The following BLK variants were observed in gnomAD, a reference collection of about 807,000 sequenced individuals.
BLK encodes the protein BLK proto-oncogene, Src family tyrosine kinase, also known as tyrosine-protein kinase Blk.
Under a neutral mutation model 61.8 loss-of-function variants are expected in BLK, and 64 were observed. The observed-to-expected ratio is 1.03, with a 90% CI of 0.85 to 1.27. BLK has a LOEUF of 1.27. Ranked by LOEUF, BLK falls within the 50% of genes most tolerant of loss-of-function variation. The pLI, the probability that BLK is intolerant of heterozygous loss-of-function variation, is 0.00. For synonymous variants in BLK, 351 were observed against 272.0 expected (o/e 1.29, Z -2.86); for missense variants, 853 against 660.5 (o/e 1.29, Z -3.19).
chr8:11,535,304 GAAAGAA>G (rs1186379231), intron 1 of BLK, among the ~76,000 whole-genome samples: 2 of 144,208 alleles, frequency 1.4e-5, no homozygotes, highest in Non-Finnish European at 3.1e-5. Flanking sequence ...AAGAAAGAAA[GAAAGAA>G]AGAAAGAAAG....
intron 7 of BLK, 114 bp from the exon 8 acceptor site, chr8:11,555,218 T>G: frequency 1.4e-6 from 2 of 1,385,272 alleles, no homozygotes; most frequent in Non-Finnish European, 2.0e-6. Flanking sequence ...CACACACCCA[T>G]GCAGGGGGTG....
chr8:11,549,745 C>G (rs1800816324), intron 5 of BLK, among the ~76,000 whole-genome samples: 1 of 152,160 alleles, frequency 6.6e-6, no homozygotes, highest in African/African-American at 2.4e-5. Context: ...CAGAACAACC[C>G]CATACCGAAG....
chr8:11,546,824 C>T (rs1468963166), intron 3 of BLK, among the ~76,000 whole-genome samples: 1 of 152,234 alleles, frequency 6.6e-6, no homozygotes, highest in Non-Finnish European at 1.5e-5. Flanking sequence ...GATCTGCCCG[C>T]CTCAGCCTCT....
intron 12 of BLK, 73 bp from the exon 13 acceptor site, chr8:11,563,830 C>T: frequency 7.0e-7 from 1 of 1,434,980 alleles, no homozygotes; most frequent in East Asian, 2.5e-5. Flanking sequence ...CTGTGCCCCG[C>T]GGGACGCTCA....
intron 11 of BLK, among the ~76,000 whole-genome samples, chr8:11,561,701 C>A (rs890119382): frequency 6.6e-6 from 1 of 152,334 alleles, no homozygotes; most frequent in Admixed American, 6.5e-5. Flanking sequence ...GTCCACCCTA[C>A]TCCCTGTCTT....
chr8:11,545,300 G>C (rs991501941), intron 2 of BLK, among the ~76,000 whole-genome samples: 9 of 152,212 alleles, frequency 5.9e-5, no homozygotes, highest in African/African-American at 2.2e-4. Flanking sequence ...TGTAATCCCA[G>C]CACTTTGGGA....
At chr8:11,512,174 C>T (rs926374641) in intron 1 of BLK, among the ~76,000 whole-genome samples, 8 of 152,120 alleles carry the variant, frequency 5.3e-5, no homozygotes, top group Admixed American at 1.3e-4. Flanking sequence ...CTGTAAGAAG[C>T]GCTGTGGGAT....
chr8:11,535,310 A>AAGAAAGAAAGAAAG (rs746343867), intron 1 of BLK, among the ~76,000 whole-genome samples: 3 of 145,002 alleles, frequency 2.1e-5, no homozygotes, highest in Non-Finnish European at 3.1e-5. Context: ...GAAAGAAAGA[A>AAGAAAGAAAGAAAG]AGAAAGAAAG....
At chr8:11,561,258 T>G in intron 10 of BLK, 44 bp from the exon 11 acceptor site, 1 of 1,598,532 alleles carries the variant, frequency 6.3e-7, no homozygotes, top group Non-Finnish European at 8.5e-7. Flanking sequence ...GGTCTTGGCG[T>G]GGAGGCCCCC....
intron 1 of BLK, among the ~76,000 whole-genome samples, chr8:11,499,335 C>G (rs921805710): frequency 6.6e-6 from 1 of 152,160 alleles, no homozygotes. Context: ...CGCAGAACAA[C>G]AAAATCACCT....
chr8:11,494,445 C>G lies in BLK; in HGVS notation c.-148C>G, dbSNP rs1345712441. The stretch of plus-strand genomic sequence containing the variant: ...GGCAGAAAGCCACAAGCCATGAAAA[C>G]TGATTGAGATGAGAAGAATTCATCT... On this transcript the variant is annotated 5_prime_UTR_variant, in exon 1 of 13. Transcript: ENST00000259089. 1 of 152,260 alleles carries G rather than the reference C, an allele frequency of 6.6e-6. No individual in the cohort carries two copies. The highest frequency in any genetic ancestry group is 1.5e-5 in the Non-Finnish European group (1 of 68,092). 9.4% of individuals were successfully genotyped at this position (152,260 alleles called of 1,614,324 possible). A position where few individuals can be genotyped will look rare whatever the true frequency, so the allele number is the denominator to read the frequency against.
chr8:11,521,728 C>T (rs756589221), intron 1 of BLK, among the ~76,000 whole-genome samples: 7 of 152,208 alleles, frequency 4.6e-5, no homozygotes, highest in Non-Finnish European at 1.0e-4. Flanking sequence ...CGCACAGTGC[C>T]TCCCCGGCAT....
intron 1 of BLK, among the ~76,000 whole-genome samples, chr8:11,496,493 T>A (rs1232185710): frequency 6.6e-6 from 1 of 152,254 alleles, no homozygotes; most frequent in Non-Finnish European, 1.5e-5. Flanking sequence ...TCCTCCCACT[T>A]TGGCCTCCCA....
intron 2 of BLK, 57 bp from the exon 3 acceptor site, chr8:11,545,995 A>T: frequency 1.3e-6 from 2 of 1,584,796 alleles, no homozygotes; most frequent in Non-Finnish European, 1.7e-6. Flanking sequence ...CTCAACCCCC[A>T]GGCCCCACCC....
intron 1 of BLK, among the ~76,000 whole-genome samples, chr8:11,542,019 C>G (rs1214432350): frequency 1.3e-5 from 2 of 152,176 alleles, no homozygotes; most frequent in Admixed American, 6.5e-5. Flanking sequence ...TTTTTCGCTT[C>G]TGTGGCTTGC....
At chr8:11,521,796 C>T (rs957610040) in intron 1 of BLK, among the ~76,000 whole-genome samples, 5 of 152,246 alleles carry the variant, frequency 3.3e-5, no homozygotes, top group African/African-American at 1.2e-4. Flanking sequence ...TTTACACTCC[C>T]TGGTCCGTTC....
intron 1 of BLK, among the ~76,000 whole-genome samples, chr8:11,538,494 A>G (rs1012696885): frequency 2.0e-5 from 3 of 152,252 alleles, no homozygotes; most frequent in Admixed American, 6.5e-5. Context: ...GTCAAAGGAC[A>G]GAAGTGTAAG....
intron 1 of BLK, among the ~76,000 whole-genome samples, chr8:11,533,997 C>T (rs1013388198): frequency 2.6e-5 from 4 of 152,204 alleles, no homozygotes; most frequent in Admixed American, 6.5e-5. Flanking sequence ...TCCAGAAGCT[C>T]GGCCAATTGA....
In BLK at chr8:11,556,683, G is replaced by A. The variant is rs1326610217; in HGVS notation, c.798G>A (p.Val266=). 1 of 1,614,122 alleles carries A rather than the reference G, an allele frequency of 6.2e-7. No homozygotes were observed. Among genetic ancestry groups the A allele is most frequent in the Non-Finnish European group, 8.5e-7 (1 of 1,180,028 alleles). ...GTTACTACAAAAACAACATGAAGGT[G>A]GCCATTAAGACGCTGAAGGAGGGAA... ...WMGYYKNNMK[V]AIKTLKEGTM... is the part of the protein sequence containing the mutation. The change falls in exon 9 of 13, where the codon GTG becomes GTA. Residue 266 remains valine (V), a synonymous_variant. Coordinates refer to ENST00000259089, the MANE Select transcript of BLK (RefSeq NM_001715.3).
Sources: gnomAD v4.1 joint callset for allele counts (sites outside exome capture counted in the v4.1 genomes callset) on GRCh38, gnomAD v4.1.1 for gene constraint, MANE v1.5 for transcripts, NCBI Gene and HGNC (gene_info 2026-07-23, HGNC 2026-07-21) for gene names.